BRICD5: variants seen among roughly 807,000 people sequenced by gnomAD.
BRICD5 encodes BRICHOS domain containing 5.
In BRICD5, 51 loss-of-function variants were observed where a neutral mutation model predicts 28.4. The ratio of observed to expected loss-of-function variants is 1.80; its 90% CI spans 1.43 to 2.27. The LOEUF (loss-of-function observed/expected upper bound fraction) is 2.27, where lower values mean the gene tolerates loss of function less well. BRICD5 is among the 30% of genes most tolerant of loss of function. The probability of loss-of-function intolerance (pLI) is 0.00; values close to 1 mark genes in which losing one functional copy is unlikely to be tolerated. For synonymous variants in BRICD5, 177 were observed against 130.2 expected, an observed-to-expected ratio of 1.36 and a Z score of -2.44; for missense variants, 456 against 309.6, an observed-to-expected ratio of 1.47 and a Z score of -3.55.
chr16:2,209,834 G>T, intron 4 of BRICD5, 116 bp downstream of exon 4: 1 of 1,385,040 alleles, frequency 7.2e-7, no homozygotes, highest in Non-Finnish European at 9.8e-7. Context: ...TGGGCTTAGG[G>T]CGGAGAGAGC....
At position 2,210,069 on chromosome 16, in the gene BRICD5, T is replaced by G. The variant is rs1596735958; in HGVS notation, c.337-18A>C. 1 of 1,598,018 alleles carries G rather than the reference T, an allele frequency of 6.3e-7. No individual in the cohort carries two copies. On this transcript the variant is annotated intron_variant, in intron 3 of 5. Transcript: ENST00000328540. Reference sequence around the variant, plus strand: ...ATGCAGCCCTGGGGAGGCAGGGGGGTGAGGCGGGGCCCCCCAGACCGACAC... The same window carrying G: ...ATGCAGCCCTGGGGAGGCAGGGGGGGGAGGCGGGGCCCCCCAGACCGACAC...
In BRICD5 at chr16:2,209,599, C is replaced by G. The variant is rs752923634; in HGVS notation, c.546G>C (p.Gln182His). The change falls in exon 5 of 6, where the codon CAG becomes CAC. Residue 182 changes from glutamine to histidine, a missense_variant. Transcript: ENST00000328540. ...AGATGGGGGTCCTCATGCACAGGCG[C>G]TGCACCAAAGCCCCCGCCTGGGCGG... The part of the protein sequence containing the change: ...VDPAQAGALV[Q>H]RLCMRTPIYW... The G allele has an allele frequency of 1.9e-6, 3 of 1,612,640 alleles. No homozygotes were observed. Among genetic ancestry groups the G allele is most frequent in the Non-Finnish European group, 2.5e-6 (3 of 1,179,954 alleles).
chr16:2,210,073 G>C, intron 3 of BRICD5, 22 bp from the exon 4 acceptor site: 1 of 1,601,562 alleles, frequency 6.2e-7, no homozygotes, highest in African/African-American at 1.3e-5. Flanking sequence ...GGGGGGTGAG[G>C]CGGGGCCCCC....
In BRICD5 at chr16:2,209,533, C is replaced by A; in HGVS notation, c.592+20G>T. The A allele has an allele frequency of 6.2e-7, 1 of 1,612,388 alleles. No individual in the cohort carries two copies. ...ACCATCCCGAGGGCCTGGCCTTCCC[C>A]CACAGCGGTCCTGACTCACCCTCTG... On this transcript the variant is annotated intron_variant, in intron 5 of 5. Coordinates refer to ENST00000328540, the MANE Select transcript of BRICD5 (RefSeq NM_182563.4).
chr16:2,209,744 G>C, intron 4 of BRICD5, 38 bp from the exon 5 acceptor site: 1 of 1,555,316 alleles, frequency 6.4e-7, no homozygotes. Context: ...GGACAGGGCT[G>C]CTCCCTGCTC....
chr16:2,210,427 C>CT, intron 2 of BRICD5, 95 bp downstream of exon 2: 1 of 1,535,226 alleles, frequency 6.5e-7, no homozygotes, highest in Non-Finnish European at 8.8e-7. Flanking sequence ...GTGTCACTGC[C>CT]TGCTCCGCAC....
At position 2,210,602 on chromosome 16, in the gene BRICD5, G is replaced by A. The variant is rs765346724; in HGVS notation, c.100C>T (p.Leu34=). 1 of 1,612,654 alleles carries A rather than the reference G, an allele frequency of 6.2e-7. No homozygotes were observed. The highest frequency in any genetic ancestry group is 8.5e-7 in the Non-Finnish European group (1 of 1,179,620). The stretch of plus-strand genomic sequence containing the variant: ...GCCAGCACCAGCAGCAGCAGCAGCA[G>A]GAGCAGGCTCACGGCTCTCCAGCCC... ...CGGWRAVSLL[L]LLLLLVLAAV... is the part of the protein sequence containing the mutation. The change falls in exon 2 of 6, where the codon CTG becomes TTG. Residue 34 remains leucine, a synonymous_variant. Coordinates refer to ENST00000328540, the MANE Select transcript of BRICD5 (RefSeq NM_182563.4).
At position 2,209,595 on chromosome 16, in the gene BRICD5, G is replaced by C. The variant is rs1202389554; in HGVS notation, c.550C>G (p.Leu184Val). 1.2e-6 allele frequency: 2 copies of C among 1,612,338 alleles called. No individual in the cohort carries two copies. Among genetic ancestry groups the C allele is most frequent in the African/African-American group, 2.7e-5 (2 of 74,926 alleles). The change falls in exon 5 of 6, where the codon CTG becomes GTG. Residue 184 changes from leucine (L) to valine (V), a missense_variant. Leu to Val is a conservative substitution (Grantham distance 32, BLOSUM62 1). Transcript: ENST00000328540. ...PAQAGALVQR[L>V]CMRTPIYWAR... ...CAGTAGATGGGGGTCCTCATGCACA[G>C]GCGCTGCACCAAAGCCCCCGCCTGG...
At position 2,209,411 on chromosome 16, in the gene BRICD5, A is replaced by C. The variant is rs758868939; in HGVS notation, c.638T>G (p.Phe213Cys). ...GACCGACACGCAGATGTTGCTCGGG[A>C]AGCAGATGTCGATGCAGAGATAAAT... The part of the protein sequence containing the change: ...RLIYLCIDIC[F>C]PSNICVSVCF... The change falls in exon 6 of 6, where the codon TTC becomes TGC. Residue 213 changes from phenylalanine to cysteine, a missense_variant. Transcript: ENST00000328540. 1.9e-6 allele frequency: 3 copies of C among 1,613,782 alleles called. No homozygotes were observed. Among genetic ancestry groups the C allele is most frequent in the Non-Finnish European group, 1.7e-6 (2 of 1,179,962 alleles).
intron 4 of BRICD5, 80 bp downstream of exon 4, chr16:2,209,870 C>T (rs1177875314): frequency 2.4e-5 from 34 of 1,407,730 alleles, no homozygotes; most frequent in Non-Finnish European, 3.1e-5. Context: ...ACCACAGCTC[C>T]AGCCTGTCCC....
Position 2,210,064 on chromosome 16 carries a change from G to A in BRICD5, c.337-13C>T. ...AACAGATGCAGCCCTGGGGAGGCAG[G>A]GGGGTGAGGCGGGGCCCCCCAGACC... On this transcript the variant is annotated splice_polypyrimidine_tract_variant and intron_variant, in intron 3 of 5. Coordinates refer to ENST00000328540, the MANE Select transcript of BRICD5 (RefSeq NM_182563.4). 1 of 1,601,656 alleles carries A rather than the reference G, an allele frequency of 6.2e-7. No homozygotes were observed.
chr16:2,210,771 G>A lies in BRICD5; in HGVS notation c.51+12C>T, dbSNP rs749352890. ...CTGGGTCCTTGCTGCAGGAGTAACG[G>A]GAGGCACTCACCCCTGTAGGCCCAG... On this transcript the variant is annotated intron_variant, in intron 1 of 5. Transcript: ENST00000328540. 1.2e-6 allele frequency: 2 copies of A among 1,607,676 alleles called. No homozygotes were observed. The highest frequency in any genetic ancestry group is 2.2e-5 in the South Asian group (2 of 91,088).
chr16:2,209,487 G>A (rs1249830474), intron 5 of BRICD5, 31 bp from the exon 6 acceptor site: 2 of 1,613,158 alleles, frequency 1.2e-6, no homozygotes, highest in Non-Finnish European at 1.7e-6. Flanking sequence ...ATCTCCAAGG[G>A]CTCCGCCCCC....
chr16:2,210,230 G>A lies in BRICD5; in HGVS notation c.232C>T (p.Pro78Ser), dbSNP rs761378229. 1.1e-5 allele frequency: 18 copies of A among 1,569,024 alleles called. No individual in the cohort carries two copies. The East Asian group carries it at 3.0e-4, about 26-fold the overall frequency. ...ACGTCCACCAGGATGGTTTGGTTGG[G>A]CCGGGGCATGTGGGGGCTCGGGAGG... ...MTLPSPHMPR[P>S]NQTILVDVAR... is the part of the protein sequence containing the mutation. The change falls in exon 3 of 6, where the codon CCC (proline) becomes TCC (serine). Residue 78 changes from proline (P) to serine (S), a missense_variant. Physicochemically the swap from Pro to Ser is moderately conservative, Grantham distance 74. Transcript: ENST00000328540.
intron 5 of BRICD5, 33 bp downstream of exon 5, chr16:2,209,520 G>T (rs772046180): frequency 6.2e-7 from 1 of 1,612,504 alleles, no homozygotes; most frequent in Non-Finnish European, 8.5e-7. Context: ...CATCCCGAGG[G>T]CCTGGCCTTC....
intron 4 of BRICD5, 28 bp downstream of exon 4, chr16:2,209,922 C>G: frequency 1.3e-6 from 2 of 1,489,512 alleles, no homozygotes; most frequent in Non-Finnish European, 1.8e-6. Flanking sequence ...GCCCCTGGCC[C>G]GGGCCTGCGC....
rs762605322 is a variant in BRICD5 at position 2,210,531 on chromosome 16, G to A, written c.171C>T (p.Gly57=). 25 of 1,609,686 alleles carry A rather than the reference G, an allele frequency of 1.6e-5. No individual in the cohort carries two copies. In the Admixed American group the frequency reaches 3.9e-4, roughly 25 times the overall value. The change falls in exon 2 of 6, where the codon GGC becomes GGT. Residue 57 remains glycine, a synonymous_variant. Transcript: ENST00000328540. ...CTGAGGAGGGGCTCACCTTGGGAGG[G>A]CCCTGAGCAGAGCCAAGAAGCCCTC... ...VAGGLLGSAQ[G]PPKPRLQTLR...
rs559858947 is a variant in BRICD5, at chr16:2,209,942, C to T, written c.438+8G>A. 2.2e-5 allele frequency: 34 copies of T among 1,515,238 alleles called. No homozygotes were observed. Among genetic ancestry groups the T allele is most frequent in the Middle Eastern group, 3.6e-4 (2 of 5,590 alleles). 93.9% of individuals were successfully genotyped at this position (1,515,238 alleles called of 1,614,324 possible). On this transcript the variant is annotated splice_region_variant and intron_variant, in intron 4 of 5. Transcript: ENST00000328540. ...TGGCCCGGGCCTGCGCCCAGCAGGA[C>T]GGCTCACCTTGGAGGTATCCACCAG...
Position 2,210,366 on chromosome 16 carries a change from C to T in BRICD5, c.181-85G>A. The T allele has an allele frequency of 2.6e-6, 4 of 1,527,970 alleles. No homozygotes were observed. The Admixed American group carries it at 5.8e-5, about 22-fold the overall frequency. The allele number at this position is 1,527,970 out of a possible 1,614,324, so 94.7% of individuals were successfully genotyped here. ...TCTGGGCTGCAGGACTCCTGACACC[C>T]CTGAGTGGGCCCTTCCACCCCTTGG... On this transcript the variant is annotated intron_variant, in intron 2 of 5. Coordinates refer to ENST00000328540, the MANE Select transcript of BRICD5 (RefSeq NM_182563.4).
Sources: gnomAD v4.1 joint callset for allele counts on GRCh38, gnomAD v4.1.1 for gene constraint, MANE v1.5 for transcripts, NCBI Gene and HGNC (gene_info 2026-07-23, HGNC 2026-07-21) for gene names.